POMT2: variants seen among roughly 807,000 people sequenced by gnomAD.
POMT2 encodes protein O-mannosyl-transferase 2.
In POMT2, 75 loss-of-function variants were observed where a neutral mutation model predicts 100.0. That is an observed-to-expected ratio of 0.75 (90% CI 0.62 to 0.91). The LOEUF is 0.91. Ranked by LOEUF, POMT2 falls within the 40% of genes least tolerant of loss-of-function variation. The probability of loss-of-function intolerance (pLI) is 0.00; values close to 1 mark genes in which losing one functional copy is unlikely to be tolerated. For missense variants in POMT2, 940 were observed against 955.1 expected (o/e 0.98, Z 0.21); for synonymous variants, 378 against 374.1 (o/e 1.01, Z -0.12).
chr14:77,291,949 G>T lies in POMT2; in HGVS notation c.1117-569C>A, dbSNP rs547396538. ...GGAGGCTAAGGCAGGAGAATCGCTT[G>T]AACCTAGGAGGCAGAGGTTGCAGTG... On this transcript the variant is annotated intron_variant, in intron 9 of 20. Coordinates refer to ENST00000261534, the MANE Select transcript of POMT2 (RefSeq NM_013382.7). Among the ~76,000 whole-genome samples the T allele has an allele frequency of 2.0e-5, 3 of 152,230 alleles. No homozygotes were observed. The South Asian group carries it at 6.2e-4, about 32-fold the overall frequency.
chr14:77,285,074 G>A, intron 13 of POMT2, 33 bp from the exon 14 acceptor site: 1 of 1,535,636 alleles, frequency 6.5e-7, no homozygotes, highest in Non-Finnish European at 9.0e-7. Flanking sequence ...ATGTCTCTCA[G>A]AAGACGTGAA....
chr14:77,279,674 G>C (rs1295081359), intron 18 of POMT2, 149 bp downstream of exon 18: 1 of 790,308 alleles, frequency 1.3e-6, no homozygotes, highest in Non-Finnish European at 2.1e-6. Context: ...GGGTACTTGG[G>C]GGTTGTTACC....
intron 9 of POMT2, among the ~76,000 whole-genome samples, chr14:77,294,270 C>A (rs1195503409): frequency 6.6e-6 from 1 of 152,164 alleles, no homozygotes; most frequent in East Asian, 1.9e-4. Flanking sequence ...GGGAGGGACC[C>A]GGTGGGAGAT....
At chr14:77,303,273 C>T (rs554611061) in intron 4 of POMT2, among the ~76,000 whole-genome samples, 4 of 151,772 alleles carry the variant, frequency 2.6e-5, no homozygotes, top group Non-Finnish European at 5.9e-5. Context: ...TACCACTCTG[C>T]TCATGTAACC....
chr14:77,284,430 G>A (rs1406251095), intron 14 of POMT2: 4 of 208,200 alleles, frequency 1.9e-5, no homozygotes, highest in African/African-American at 7.0e-5. Flanking sequence ...ATAAGCTTGA[G>A]GTGGGTAGTT....
chr14:77,303,883 C>CGAGT, intron 4 of POMT2, among the ~76,000 whole-genome samples: 1 of 152,296 alleles, frequency 6.6e-6, no homozygotes, highest in Middle Eastern at 3.4e-3. Context: ...CAGAGTGACT[C>CGAGT]ATCAGTGTAT....
intron 10 of POMT2, 136 bp from the exon 11 acceptor site, chr14:77,288,967 G>C: frequency 1.3e-6 from 1 of 751,676 alleles, no homozygotes; most frequent in Non-Finnish European, 2.3e-6. Context: ...GACCAAAGAG[G>C]AAAGACCCCT....
chr14:77,277,553 C>T, intron 20 of POMT2, 72 bp from the exon 21 acceptor site: 1 of 1,198,230 alleles, frequency 8.3e-7, no homozygotes, highest in Admixed American at 1.7e-5. Context: ...AATTCCATTC[C>T]TCCTGCTGGA....
At chr14:77,320,310 C>T in intron 1 of POMT2, 124 bp downstream of exon 1, 1 of 1,504,346 alleles carries the variant, frequency 6.6e-7, no homozygotes, top group Non-Finnish European at 8.9e-7. Context: ...CCCGATACCT[C>T]AAGTTCCCCT....
At position 77,283,851 on chromosome 14, in the gene POMT2, C is replaced by T. The variant is rs768426838; in HGVS notation, c.1599G>A (p.Val533=). The part of the protein sequence containing the change: ...NPKLPNISLD[V]LQPSFPEILL... ...AGATCTCAGGAAAACTGGGCTGTAG[C>T]ACATCCAGGCTGATGTTTGGCACTA... is the stretch of plus-strand genomic sequence containing the variant. The change falls in exon 15 of 21, where the codon GTG becomes GTA. Residue 533 remains valine (V), a synonymous_variant. Coordinates refer to ENST00000261534, the MANE Select transcript of POMT2 (RefSeq NM_013382.7). 1.2e-6 allele frequency: 2 copies of T among 1,612,914 alleles called. No homozygotes were observed. The highest frequency in any genetic ancestry group is 8.5e-7 in the Non-Finnish European group (1 of 1,178,890).
chr14:77,285,176 T>C (rs1890375488), intron 13 of POMT2, 135 bp from the exon 14 acceptor site: 1 of 857,544 alleles, frequency 1.2e-6, no homozygotes, highest in Non-Finnish European at 1.9e-6. Context: ...ATGTTCCATG[T>C]TGGACAACTA....
At position 77,280,118 on chromosome 14, in the gene POMT2, C is replaced by G. The variant is rs371498599; in HGVS notation, c.1726-38G>C. Reference sequence around the variant, plus strand: ...GACCACCCTGCTGACCCAGGCCCAGCCCATCCTCGGCCACACCCATTAGGG... The same window carrying G: ...GACCACCCTGCTGACCCAGGCCCAGGCCATCCTCGGCCACACCCATTAGGG... On this transcript the variant is annotated intron_variant, in intron 16 of 20. Transcript: ENST00000261534. 96 of 1,613,320 alleles carry G rather than the reference C, an allele frequency of 6.0e-5. No individual in the cohort carries two copies. The African/African-American group carries it at 1.2e-3, about 20-fold the overall frequency.
chr14:77,278,814 G>A lies in POMT2; in HGVS notation c.1947C>T (p.Leu649=). 6.2e-7 allele frequency: 1 copy of A among 1,613,604 alleles called. No individual in the cohort carries two copies. Reference sequence around the variant, plus strand: ...CCATCAGGAAAAACGGGAAGTAATGGAGTGTCCAGCCGAGCAGGACCTGGC... The same window carrying A: ...CCATCAGGAAAAACGGGAAGTAATGAAGTGTCCAGCCGAGCAGGACCTGGC... ...GGGQVLLGWT[L]HYFPFFLMGR... Residue 649 remains leucine (L), a synonymous_variant, in exon 19 of 21, where the codon CTC becomes CTT. Coordinates refer to ENST00000261534, the MANE Select transcript of POMT2 (RefSeq NM_013382.7).
intron 20 of POMT2, among the ~76,000 whole-genome samples, chr14:77,277,713 G>A (rs1363152443): frequency 6.6e-6 from 1 of 152,210 alleles, no homozygotes; most frequent in African/African-American, 2.4e-5. Context: ...GGCCCAGGAG[G>A]GCAACCCTTC....
At chr14:77,302,408 T>A (rs1891074509) in intron 5 of POMT2, among the ~76,000 whole-genome samples, 1 of 152,116 alleles carries the variant, frequency 6.6e-6, no homozygotes, top group African/African-American at 2.4e-5. Context: ...CCAGGCAGCA[T>A]CTACCCTGGT....
chr14:77,302,906 A>T lies in POMT2; in HGVS notation c.585T>A (p.Leu195=). The stretch of plus-strand genomic sequence containing the variant: ...TGATGAAGAACATCAGGATGGGGTC[A>T]AGGAGGATGTACTGGGACAGAGTGA... ...GCLTLSQYIL[L]DPILMFFIMA... The change falls in exon 5 of 21, where the codon CTT becomes CTA. Residue 195 remains leucine (L), a synonymous_variant. Coordinates refer to ENST00000261534, the MANE Select transcript of POMT2 (RefSeq NM_013382.7). 6.2e-7 allele frequency: 1 copy of T among 1,613,956 alleles called. No individual in the cohort carries two copies. The highest frequency in any genetic ancestry group is 2.2e-5 in the East Asian group (1 of 44,874).
At chr14:77,282,148 T>C (rs940801814) in intron 15 of POMT2, among the ~76,000 whole-genome samples, 1 of 152,170 alleles carries the variant, frequency 6.6e-6, no homozygotes, top group Non-Finnish European at 1.5e-5. Flanking sequence ...AATTGTACAG[T>C]TTGGTCCCAA....
At chr14:77,279,791 G>A in intron 18 of POMT2, 32 bp downstream of exon 18, 1 of 1,599,682 alleles carries the variant, frequency 6.3e-7, no homozygotes, top group Non-Finnish European at 8.5e-7. Context: ...GCTGCCGCCA[G>A]GTCAGGGGAG....
chr14:77,297,051 A>G (rs1476289348), intron 8 of POMT2, among the ~76,000 whole-genome samples: 1 of 152,248 alleles, frequency 6.6e-6, no homozygotes, highest in Non-Finnish European at 1.5e-5. Flanking sequence ...CATGGTGGGA[A>G]TGGTGGGAAC....
Sources: allele counts gnomAD v4.1 joint callset (sites outside exome capture counted in the v4.1 genomes callset), GRCh38; gene constraint gnomAD v4.1.1; transcripts MANE v1.5; gene names NCBI Gene and HGNC (gene_info 2026-07-23, HGNC 2026-07-21).